The following YME1L1 variants were observed in gnomAD, a reference collection of about 807,000 sequenced individuals.
YME1L1 encodes the protein YME1 like 1 ATPase, also known as ATP-dependent zinc metalloprotease YME1L1.
YME1L1 carries 39 observed loss-of-function variants against 90.4 expected under a neutral mutation model. The observed-to-expected ratio is 0.43, with a 90% CI of 0.33 to 0.56. The LOEUF (loss-of-function observed/expected upper bound fraction) is 0.56. Among genes scored for constraint, YME1L1 ranks in the 20% least tolerant of loss-of-function variants. The pLI is 0.03. For synonymous variants in YME1L1, 284 were observed against 287.3 expected (o/e 0.99, Z 0.12); for missense variants, 617 against 868.4 (o/e 0.71, Z 3.64).
At position 27,154,328 on chromosome 10, in the gene YME1L1, A is replaced by G. The variant is rs112468581; in HGVS notation, c.-118T>C. On this transcript the variant is annotated 5_prime_UTR_variant, in exon 1 of 19. Transcript: ENST00000376016. ...CTTTTTCTCCGACCCGTTGCCCCTC[A>G]CTCCTCCCAGAAACGGAAAATGGCC... The G allele has an allele frequency of 3.2e-6, 4 of 1,264,172 alleles. No homozygotes were observed. In the African/African-American group the frequency reaches 4.6e-5, roughly 14 times the overall value. The allele number at this position is 1,264,172 out of a possible 1,614,324, so 78.3% of individuals were successfully genotyped here.
rs529624568 is a variant in YME1L1 at position 27,119,241 on chromosome 10, A to G, written c.1567+53T>C. 35 of 1,499,686 alleles carry G rather than the reference A, an allele frequency of 2.3e-5. 1 individual carries two copies. The South Asian group carries it at 4.6e-4, about 20-fold the overall frequency. 92.9% of individuals were successfully genotyped at this position (1,499,686 alleles called of 1,614,324 possible). A position where few individuals can be genotyped will look rare whatever the true frequency, so the allele number is the denominator to read the frequency against. ...GAATAGAGTATTTGCCCCTAAATGA[A>G]TTATCTAACACAATGAAAAGTAAAA... is the stretch of plus-strand genomic sequence containing the variant. On this transcript the variant is annotated intron_variant, in intron 14 of 18. Coordinates refer to ENST00000376016, the MANE Select transcript of YME1L1 (RefSeq NM_014263.4).
At position 27,111,404 on chromosome 10, in the gene YME1L1, G is replaced by A. The variant is rs563366934; in HGVS notation, c.*573C>T. The A allele has an allele frequency of 6.2e-6, 1 of 160,620 alleles. No homozygotes were observed. Among genetic ancestry groups the A allele is most frequent in the African/African-American group, 2.4e-5 (1 of 41,562 alleles). The allele number at this position is 160,620 out of a possible 1,614,324, so 9.9% of individuals were successfully genotyped here. A position where few individuals can be genotyped will look rare whatever the true frequency, so the allele number is the denominator to read the frequency against. ...AGACAGCGTTTCACCACGTTGGCCAGGCTGGTCTCGAACTCCTGGCCTCAA... is the reference window on the plus strand; with the variant it reads ...AGACAGCGTTTCACCACGTTGGCCAAGCTGGTCTCGAACTCCTGGCCTCAA... On this transcript the variant is annotated 3_prime_UTR_variant, in exon 19 of 19. Transcript: ENST00000376016.
At position 27,111,853 on chromosome 10, in the gene YME1L1, A is replaced by C. The variant is rs2056761844; in HGVS notation, c.*124T>G. The C allele has an allele frequency of 7.9e-7, 1 of 1,269,890 alleles. No individual in the cohort carries two copies. The highest frequency in any genetic ancestry group is 1.5e-5 in the African/African-American group (1 of 68,162). 78.7% of individuals were successfully genotyped at this position (1,269,890 alleles called of 1,614,324 possible). ...GATAAATGTGACAAATGATTGACAAAGCATTTCACACCCTTCAATTACACC... is the reference window on the plus strand; with the variant it reads ...GATAAATGTGACAAATGATTGACAACGCATTTCACACCCTTCAATTACACC... On this transcript the variant is annotated 3_prime_UTR_variant, in exon 19 of 19. Coordinates refer to ENST00000376016, the MANE Select transcript of YME1L1 (RefSeq NM_014263.4).
chr10:27,133,061 T>C lies in YME1L1; in HGVS notation c.775+978A>G, dbSNP rs187635301. On this transcript the variant is annotated intron_variant, in intron 7 of 18. Transcript: ENST00000376016. The stretch of plus-strand genomic sequence containing the variant: ...TTAACAAACACTTCAATTATTCTAA[T>C]TGGTCACAGGTCTACACTTTGAAAC... 6.2e-4 allele frequency among the ~76,000 whole-genome samples: 95 copies of C among 152,276 alleles called. 1 individual carries two copies. The East Asian group carries it at 0.017, about 27-fold the overall frequency.
intron 2 of YME1L1, chr10:27,147,272 C>T (rs914850023): frequency 1.4e-6 from 1 of 697,612 alleles, no homozygotes; most frequent in African/African-American, 1.8e-5. Flanking sequence ...GGTGGGAGGA[C>T]TGCTTCAGGC....
At chr10:27,150,637 A>T (rs1254682021) in intron 1 of YME1L1, among the ~76,000 whole-genome samples, 1 of 152,224 alleles carries the variant, frequency 6.6e-6, no homozygotes, top group Non-Finnish European at 1.5e-5. Context: ...ATAATGCATT[A>T]GCATGCTAAA....
Position 27,134,812 on chromosome 10 carries a change from TG to T in YME1L1, c.691+18del. 1 of 1,611,884 alleles carries T rather than the reference TG, an allele frequency of 6.2e-7. No homozygotes were observed. The highest frequency in any genetic ancestry group is 8.5e-7 in the Non-Finnish European group (1 of 1,178,254). The stretch of plus-strand genomic sequence containing the variant: ...TTCAGTTACTCTTCTCAAACACGGA[TG>T]GTGTCAATTCAACTTACCATTGGTT... On this transcript the variant is annotated intron_variant, in intron 6 of 18. Coordinates refer to ENST00000376016, the MANE Select transcript of YME1L1 (RefSeq NM_014263.4).
chr10:27,117,902 T>C (rs945263362), intron 14 of YME1L1, among the ~76,000 whole-genome samples, 175 bp from the exon 15 acceptor site: 3 of 152,080 alleles, frequency 2.0e-5, no homozygotes, highest in Non-Finnish European at 4.4e-5. Flanking sequence ...TAAAAAATAA[T>C]ACAAATGAAA....
At chr10:27,142,867 C>T (rs573991239) in intron 3 of YME1L1, among the ~76,000 whole-genome samples, 1 of 152,212 alleles carries the variant, frequency 6.6e-6, no homozygotes, top group South Asian at 2.1e-4. Context: ...AGGCGCCCGC[C>T]ACCATGCCCG....
At chr10:27,144,494 G>A (rs555483835) in intron 3 of YME1L1, among the ~76,000 whole-genome samples, 6 of 152,054 alleles carry the variant, frequency 3.9e-5, no homozygotes, top group Non-Finnish European at 7.4e-5. Flanking sequence ...GCCTGTTTAA[G>A]TGCCATCCAA....
Position 27,112,220 on chromosome 10 carries a change from T to C in YME1L1, c.2008-100A>G. On this transcript the variant is annotated intron_variant, in intron 18 of 18. Transcript: ENST00000376016. ...AAAACTTTATGTACCCTAAAAAATA[T>C]GAAATCTGTTTATATTTATAAAATC... The C allele has an allele frequency of 2.0e-6, 2 of 1,021,286 alleles. 1 individual carries two copies. The highest frequency in any genetic ancestry group is 3.3e-5 in the South Asian group (2 of 60,480). 63.3% of individuals were successfully genotyped at this position (1,021,286 alleles called of 1,614,324 possible).
chr10:27,154,044 C>CA (rs2057276026), intron 1 of YME1L1, 134 bp downstream of exon 1: 5 of 1,211,074 alleles, frequency 4.1e-6, no homozygotes, highest in Non-Finnish European at 4.7e-6. Flanking sequence ...ATCCACTCCT[C>CA]AATCCTGGGA....
chr10:27,148,793 T>C (rs2057174069), intron 2 of YME1L1, 113 bp downstream of exon 2: 1 of 1,410,994 alleles, frequency 7.1e-7, no homozygotes, highest in South Asian at 1.3e-5. Context: ...GAGTCAAAAA[T>C]TATACTCAAA....
intron 3 of YME1L1, 98 bp downstream of exon 3, chr10:27,145,330 A>C: frequency 2.9e-6 from 3 of 1,026,178 alleles, no homozygotes; most frequent in South Asian, 5.9e-5. Context: ...GAAAGAACCC[A>C]GCCCACAATA....
chr10:27,150,705 C>T (rs1564470859), intron 1 of YME1L1, among the ~76,000 whole-genome samples: 1 of 152,096 alleles, frequency 6.6e-6, no homozygotes, highest in Non-Finnish European at 1.5e-5. Flanking sequence ...CAAGAAGTTA[C>T]CCTATGTGGT....
chr10:27,148,968 C>T lies in YME1L1; in HGVS notation c.106G>A (p.Val36Met), dbSNP rs771816317. 1.2e-6 allele frequency: 2 copies of T among 1,613,958 alleles called. No homozygotes were observed. Among genetic ancestry groups the T allele is most frequent in the African/African-American group, 2.7e-5 (2 of 74,908 alleles). Residue 36 changes from valine (V) to methionine (M), a missense_variant, in exon 2 of 19, where the codon GTG becomes ATG. Val to Met is a conservative substitution (Grantham distance 21). Around this residue, in one of 4 missense-constraint regions of YME1L1, gnomAD observed 311 missense variants for 335.8 expected, o/e 0.93. Coordinates refer to ENST00000376016, the MANE Select transcript of YME1L1 (RefSeq NM_014263.4). ...CGATGCTGGTTTTGAGAAACTGACA[C>T]TCCACTGAGAGAAACAGAAGTGTTT... is the stretch of plus-strand genomic sequence containing the variant. The part of the protein sequence containing the change: ...PKNTSVSLSG[V>M]SVSQNQHRDV...
rs778804496 is a variant in YME1L1, at chr10:27,119,302, A to C, written c.1559T>G (p.Ile520Ser). The C allele has an allele frequency of 6.3e-7, 1 of 1,598,076 alleles. No homozygotes were observed. Among genetic ancestry groups the C allele is most frequent in the Non-Finnish European group, 8.5e-7 (1 of 1,175,924 alleles). Residue 520 changes from isoleucine (I) to serine (S), a missense_variant, in exon 14 of 19, where the codon ATT becomes AGT. By Grantham distance (142) the Ile-to-Ser change is moderately radical. This residue lies in a region of YME1L1 where 212 missense variants were observed against 330.0 expected (regional missense o/e 0.64). Transcript: ENST00000376016. ...AAAGAAAGGAAACCTACCCATTAGA[A>C]TTTTGTCTTTGGAAAACTCCAGCTC... ...MKELEFSKDK[I>S]LMGPERRSVE...
At chr10:27,144,997 C>A (rs548743783) in intron 3 of YME1L1, among the ~76,000 whole-genome samples, 2 of 152,018 alleles carry the variant, frequency 1.3e-5, no homozygotes, top group Non-Finnish European at 2.9e-5. Flanking sequence ...AAAAATTAGC[C>A]GGGCGTGGTG....
At chr10:27,142,057 T>C (rs1162117901) in intron 4 of YME1L1, among the ~76,000 whole-genome samples, 3 of 127,678 alleles carry the variant, frequency 2.3e-5, no homozygotes, top group Admixed American at 1.4e-4. Flanking sequence ...TGCTCTTTTT[T>C]TCTCATATAT....
Sources: gnomAD v4.1 joint callset for allele counts (sites outside exome capture counted in the v4.1 genomes callset) on GRCh38, gnomAD v4.1.1 for gene constraint, gnomAD v4.1.1 regional missense constraint, MANE v1.5 for transcripts, NCBI Gene and HGNC (gene_info 2026-07-23, HGNC 2026-07-21) for gene names.